DLGAP2: variants seen among roughly 807,000 people sequenced by gnomAD.
The protein encoded by DLGAP2 is DLG associated protein 2.
In DLGAP2, 26 loss-of-function variants were observed where a neutral mutation model predicts 100.3. That is an observed-to-expected ratio of 0.26 (90% CI 0.19 to 0.36). The LOEUF (loss-of-function observed/expected upper bound fraction) is 0.36, where lower values mean the gene tolerates loss of function less well. DLGAP2 is among the 10% of genes least tolerant of loss of function. The pLI is 1.00. For missense variants in DLGAP2, 1,858 were observed against 1,453.2 expected (o/e 1.28, Z -4.53); for synonymous variants, 886 against 630.1 (o/e 1.41, Z -6.08).
intron 1 of DLGAP2, among the ~76,000 whole-genome samples, chr8:883,916 T>C (rs1046039649): frequency 1.9e-4 from 29 of 152,222 alleles, no homozygotes; most frequent in African/African-American, 7.0e-4. Flanking sequence ...CTGTGTTAGT[T>C]TGCTGAGGAT....
At chr8:1,172,737 G>C (rs140484721) in intron 2 of DLGAP2, among the ~76,000 whole-genome samples, 10,819 of 152,138 alleles carry the variant, frequency 0.071, 1,122 homozygotes, top group African/African-American at 0.23. Flanking sequence ...AGCTCCATCA[G>C]CTCCTTTAAG....
At chr8:1,465,607 G>A (rs1584930939) in intron 3 of DLGAP2, among the ~76,000 whole-genome samples, 1 of 152,208 alleles carries the variant, frequency 6.6e-6, no homozygotes, top group Non-Finnish European at 1.5e-5. Flanking sequence ...ACGGGTTCAG[G>A]TGTCTGGAAG....
intron 1 of DLGAP2, among the ~76,000 whole-genome samples, chr8:858,903 G>T (rs1031752175): frequency 2.0e-5 from 3 of 152,054 alleles, no homozygotes; most frequent in Non-Finnish European, 4.4e-5. Context: ...ATCAATATTC[G>T]CTCCTTACAG....
At chr8:1,133,443 T>A (rs1331173161) in intron 2 of DLGAP2, among the ~76,000 whole-genome samples, 2 of 151,724 alleles carry the variant, frequency 1.3e-5, no homozygotes, top group Non-Finnish European at 2.9e-5. Flanking sequence ...AAAATATATA[T>A]TTTTTGCTTT....
chr8:856,789 A>T (rs1384825234), intron 1 of DLGAP2, among the ~76,000 whole-genome samples: 2 of 152,248 alleles, frequency 1.3e-5, no homozygotes, highest in Non-Finnish European at 2.9e-5. Flanking sequence ...CTGTTGAGAT[A>T]TCCATTTTTC....
chr8:1,321,500 T>C (rs573494926), intron 3 of DLGAP2, among the ~76,000 whole-genome samples: 1 of 152,382 alleles, frequency 6.6e-6, no homozygotes, highest in East Asian at 1.9e-4. Flanking sequence ...GTGACCACCA[T>C]GCTGCTTGGC....
chr8:1,415,124 A>G (rs1796842937), intron 3 of DLGAP2, among the ~76,000 whole-genome samples: 1 of 152,256 alleles, frequency 6.6e-6, no homozygotes, highest in Admixed American at 6.5e-5. Context: ...GCACACATGC[A>G]TACAAACAGG....
intron 4 of DLGAP2, among the ~76,000 whole-genome samples, chr8:1,504,104 C>G (rs1407885827): frequency 6.6e-6 from 1 of 151,606 alleles, no homozygotes; most frequent in African/African-American, 2.4e-5. Context: ...GTCAGGATCA[C>G]TTGGGGAAAG....
Position 1,290,760 on chromosome 8 carries a change from G to A in DLGAP2, c.106+31877G>A, listed in dbSNP as rs186701154. Among the ~76,000 whole-genome samples the A allele has an allele frequency of 2.6e-3, 400 of 152,280 alleles. 5 individuals carry two copies. Among genetic ancestry groups the A allele is most frequent in the African/African-American group, 8.9e-3 (370 of 41,556 alleles). ...TGTAGTTAAAATGCTAAAATGCTGC[G>A]TGCACAAAGCTTATGCTCAGGCCTG... On this transcript the variant is annotated intron_variant, in intron 3 of 14. Coordinates refer to ENST00000637795, the MANE Select transcript of DLGAP2 (RefSeq NM_001346810.2).
intron 6 of DLGAP2, among the ~76,000 whole-genome samples, chr8:1,623,809 C>T (rs1187773232): frequency 1.3e-5 from 2 of 152,250 alleles, no homozygotes; most frequent in African/African-American, 2.4e-5. Context: ...ATGCAAAACA[C>T]TTATTAGCAT....
intron 1 of DLGAP2, among the ~76,000 whole-genome samples, chr8:819,448 G>A (rs928697026): frequency 6.6e-6 from 1 of 152,108 alleles, no homozygotes; most frequent in Non-Finnish European, 1.5e-5. Context: ...GGAGCAAAGC[G>A]GCAATGCCAC....
intron 2 of DLGAP2, among the ~76,000 whole-genome samples, chr8:1,106,507 G>A (rs1804775756): frequency 6.6e-6 from 1 of 150,924 alleles, no homozygotes. Context: ...TTCTACTGAA[G>A]GAGGCCATTC....
chr8:1,539,889 C>T (rs1016804507), intron 4 of DLGAP2, among the ~76,000 whole-genome samples: 3 of 151,976 alleles, frequency 2.0e-5, no homozygotes, highest in Non-Finnish European at 4.4e-5. Flanking sequence ...GCCCCCCAAG[C>T]CCCTCAGTCC....
chr8:1,516,828 G>T (rs1010949565), intron 4 of DLGAP2, among the ~76,000 whole-genome samples: 8 of 152,238 alleles, frequency 5.3e-5, no homozygotes, highest in Non-Finnish European at 1.2e-4. Flanking sequence ...GCACAATCAG[G>T]CTTGTGCCTT....
In DLGAP2 at chr8:1,677,031, T is replaced by A. The variant is rs75469064; in HGVS notation, c.2288+413T>A. ...GTGAAATTGTTTCACTTCAAAAATATTACCTAGAAACAAAAAATACAAAGT... is the reference window on the plus strand; with the variant it reads ...GTGAAATTGTTTCACTTCAAAAATAATACCTAGAAACAAAAAATACAAAGT... On this transcript the variant is annotated intron_variant, in intron 11 of 14. Coordinates refer to ENST00000637795, the MANE Select transcript of DLGAP2 (RefSeq NM_001346810.2). 3.4e-3 allele frequency among the ~76,000 whole-genome samples: 520 copies of A among 152,312 alleles called. 3 individuals carry two copies. Among genetic ancestry groups the A allele is most frequent in the African/African-American group, 0.012 (502 of 41,574 alleles).
At chr8:782,173 C>T (rs893079498) in intron 1 of DLGAP2, among the ~76,000 whole-genome samples, 3 of 151,726 alleles carry the variant, frequency 2.0e-5, no homozygotes, top group African/African-American at 7.3e-5. Context: ...GTGTGCACCT[C>T]CCAGATATGC....
intron 8 of DLGAP2, among the ~76,000 whole-genome samples, chr8:1,651,027 C>A (rs1235457816): frequency 6.6e-6 from 1 of 152,094 alleles, no homozygotes; most frequent in East Asian, 1.9e-4. Context: ...CCCTGCTCAG[C>A]GGAATTTTGG....
intron 2 of DLGAP2, among the ~76,000 whole-genome samples, chr8:1,032,187 G>A (rs1014240745): frequency 6.6e-6 from 1 of 152,236 alleles, no homozygotes; most frequent in African/African-American, 2.4e-5. Context: ...GACGCTGGGA[G>A]CTGTTCGCCT....
At chr8:805,119 G>T (rs1272361287) in intron 1 of DLGAP2, among the ~76,000 whole-genome samples, 1 of 152,164 alleles carries the variant, frequency 6.6e-6, no homozygotes, top group Non-Finnish European at 1.5e-5. Context: ...GATTCGTAAT[G>T]GGAATGATTT....
Sources: allele counts gnomAD v4.1 joint callset (sites outside exome capture counted in the v4.1 genomes callset), GRCh38; gene constraint gnomAD v4.1.1; transcripts MANE v1.5; gene names NCBI Gene and HGNC (gene_info 2026-07-23, HGNC 2026-07-21).